MASP2: variants seen among roughly 807,000 people sequenced by gnomAD.
MASP2 encodes the protein mannan-binding lectin serine protease 2.
MASP2 carries 49 observed loss-of-function variants against 57.1 expected under a neutral mutation model. The observed-to-expected ratio is 0.86, with a 90% CI of 0.68 to 1.09. The LOEUF is 1.09. Among genes scored for constraint, MASP2 ranks in the 50% least tolerant of loss-of-function variants. The pLI is 0.00. For missense variants in MASP2, 900 were observed against 874.8 expected (o/e 1.03, Z -0.36); for synonymous variants, 379 against 340.8 (o/e 1.11, Z -1.24).
Position 11,027,553 on chromosome 1 carries a change from C to T in MASP2, c.1393G>A (p.Gly465Arg). 1 of 1,614,178 alleles carries T rather than the reference C, an allele frequency of 6.2e-7. No individual in the cohort carries two copies. ...DFPWQVLILG[G>R]TTAAGALLYD... The stretch of plus-strand genomic sequence containing the variant: ...AAAAGTGCACCTGCTGCTGTGGTTC[C>T]ACCTAATATCAGGACTTGCCAAGGA... Residue 465 changes from glycine to arginine, a missense_variant, in exon 11 of 11, where the codon GGA (glycine) becomes AGA (arginine). By Grantham distance (125) the Gly-to-Arg change is moderately radical (BLOSUM62 -2). Transcript: ENST00000400897.
At chr1:11,037,943 G>C (rs1638304351) in intron 6 of MASP2, 132 bp from the exon 7 acceptor site, 2 of 503,444 alleles carry the variant, frequency 4.0e-6, no homozygotes, top group Non-Finnish European at 7.0e-6. Context: ...CGTGGGGTAG[G>C]GTTCTTTAAA....
chr1:11,045,517 G>A lies in MASP2; in HGVS notation c.435C>T (p.Ala145=), dbSNP rs749538988. 6.2e-7 allele frequency: 1 copy of A among 1,608,138 alleles called. No homozygotes were observed. The highest frequency in any genetic ancestry group is 1.7e-5 in the Admixed American group (1 of 59,870). Residue 145 remains alanine (A), a synonymous_variant, in exon 4 of 11, where the codon GCC becomes GCT. Transcript: ENST00000400897. The stretch of plus-strand genomic sequence containing the variant: ...GGTCGCAGGTGGGCGCCTCTCCCGG[G>A]GCCACCTGGCACTCGTCAATGTCTG... The part of the protein sequence containing the change: ...AAEDIDECQV[A]PGEAPTCDHH...
rs1638354933 is a variant in MASP2, at chr1:11,039,607, A to G, written c.890-1796T>C. On this transcript the variant is annotated intron_variant, in intron 6 of 10. Transcript: ENST00000400897. The stretch of plus-strand genomic sequence containing the variant: ...GGAAGGATGGATGGATGATGGATGG[A>G]TGGATGGATGGATATATGGGTGGAT... Among the ~76,000 whole-genome samples, 3 of 99,780 alleles carry G rather than the reference A, an allele frequency of 3.0e-5. No homozygotes were observed. In the Admixed American group the frequency reaches 3.1e-4, roughly 10 times the overall value. 65.5% of individuals were successfully genotyped at this position (99,780 alleles called of 152,430 possible). A position where few individuals can be genotyped will look rare whatever the true frequency, so the allele number is the denominator to read the frequency against.
At chr1:11,035,103 C>A (rs1051104630) in intron 7 of MASP2, among the ~76,000 whole-genome samples, 197 bp from the exon 8 acceptor site, 1 of 152,104 alleles carries the variant, frequency 6.6e-6, no homozygotes, top group African/African-American at 2.4e-5. Flanking sequence ...CCCACCGCCT[C>A]GGTGCACGTC....
chr1:11,036,842 T>C (rs183091444), intron 7 of MASP2, among the ~76,000 whole-genome samples: 252 of 152,174 alleles, frequency 1.7e-3, no homozygotes, highest in Non-Finnish European at 2.8e-3. Flanking sequence ...ATTTATAACT[T>C]TGCAGAATAT....
intron 8 of MASP2, among the ~76,000 whole-genome samples, chr1:11,033,685 C>T (rs1286757699): frequency 6.6e-6 from 1 of 151,864 alleles, no homozygotes; most frequent in African/African-American, 2.4e-5. Context: ...AAAGAACACA[C>T]TTTGGAAGCC....
chr1:11,033,103 T>C (rs1463434401), intron 8 of MASP2, among the ~76,000 whole-genome samples: 2 of 151,594 alleles, frequency 1.3e-5, no homozygotes, highest in African/African-American at 2.4e-5. Flanking sequence ...CCAAGGTGGG[T>C]GGATCCCCTG....
chr1:11,042,300 A>G (rs75349844), intron 6 of MASP2, among the ~76,000 whole-genome samples: 5,021 of 149,450 alleles, frequency 0.034, 249 homozygotes, highest in African/African-American at 0.12. Flanking sequence ...GGGTGGGTAG[A>G]AGGATAGGTG....
chr1:11,046,833 C>T (rs1638655757), intron 2 of MASP2, 58 bp downstream of exon 2: 9 of 1,548,102 alleles, frequency 5.8e-6, no homozygotes, highest in Admixed American at 2.0e-5. Flanking sequence ...TGAACCCTGG[C>T]TACTCCTTGG....
chr1:11,041,889 G>A (rs1313799447), intron 6 of MASP2, among the ~76,000 whole-genome samples: 7 of 151,166 alleles, frequency 4.6e-5, no homozygotes, highest in Non-Finnish European at 1.0e-4. Flanking sequence ...TGGGTGGATG[G>A]GTGGTTGGAT....
At chr1:11,041,010 GGTGGATGGGTAGATGAATAT>G (rs1310344235) in intron 6 of MASP2, among the ~76,000 whole-genome samples, 3 of 151,402 alleles carry the variant, frequency 2.0e-5, no homozygotes, top group South Asian at 2.1e-4. Flanking sequence ...CAGAAGGATG[GGTGGATGGGTAGATGAATAT>G]GTGGATGGGT....
intron 7 of MASP2, among the ~76,000 whole-genome samples, chr1:11,037,347 C>T (rs1277259719): frequency 6.6e-6 from 1 of 152,092 alleles, no homozygotes; most frequent in East Asian, 1.9e-4. Context: ...CCTCTGCCTC[C>T]CAAAGTGCTG....
At chr1:11,029,976 T>C (rs1643814644) in intron 10 of MASP2, 200 bp downstream of exon 10, 1 of 481,474 alleles carries the variant, frequency 2.1e-6, no homozygotes, top group Non-Finnish European at 3.7e-6. Context: ...GAGAATCAAA[T>C]GACTGATGCA....
Position 11,027,406 on chromosome 1 carries a change from A to T in MASP2, c.1540T>A (p.Ser514Thr). 2 of 1,614,214 alleles carry T rather than the reference A, an allele frequency of 1.2e-6. No individual in the cohort carries two copies. The highest frequency in any genetic ancestry group is 1.7e-6 in the Non-Finnish European group (2 of 1,180,040). ...CCTTCATGTATAAAAACAGCTTCAG[A>T]CCAGGCTTGTGTATAATGAGGTGAT... ...RLSPHYTQAW[S>T]EAVFIHEGYT... Residue 514 changes from serine (S) to threonine (T), a missense_variant, in exon 11 of 11, where the codon TCT (serine) becomes ACT (threonine). Transcript: ENST00000400897.
intron 6 of MASP2, among the ~76,000 whole-genome samples, chr1:11,039,886 G>GGATA (rs1638367838): frequency 1.9e-5 from 2 of 105,464 alleles, no homozygotes; most frequent in Admixed American, 2.1e-4. Context: ...ATGGATGGAT[G>GGATA]GATGGATGGA....
intron 7 of MASP2, among the ~76,000 whole-genome samples, chr1:11,035,384 T>A (rs921501422): frequency 6.6e-6 from 1 of 151,638 alleles, no homozygotes; most frequent in African/African-American, 2.4e-5. Flanking sequence ...AAAATTAGCC[T>A]GGCATGGTGG....
At chr1:11,028,745 G>A (rs374497615) in intron 10 of MASP2, among the ~76,000 whole-genome samples, 4 of 139,034 alleles carry the variant, frequency 2.9e-5, no homozygotes, top group South Asian at 2.3e-4. Context: ...ACAGAGTCTC[G>A]CTCTGTCACC....
At chr1:11,034,700 G>A (rs113585596) in intron 8 of MASP2, 128 bp downstream of exon 8, 114 of 492,566 alleles carry the variant, frequency 2.3e-4, no homozygotes, top group Admixed American at 5.5e-4. Context: ...CCCTGTCTCA[G>A]AAAAAAAAAA....
chr1:11,043,986 GAA>G (rs1167310400), intron 4 of MASP2, among the ~76,000 whole-genome samples: 1 of 152,054 alleles, frequency 6.6e-6, no homozygotes, highest in African/African-American at 2.4e-5. Context: ...GGGAATTCGG[GAA>G]AAGAGAGGAG....
Sources: allele counts gnomAD v4.1 joint callset (sites outside exome capture counted in the v4.1 genomes callset), GRCh38; gene constraint gnomAD v4.1.1; transcripts MANE v1.5; gene names NCBI Gene and HGNC (gene_info 2026-07-23, HGNC 2026-07-21).